Variants in BRCC3 observed in about 807,000 individuals in gnomAD.
BRCC3 encodes lys-63-specific deubiquitinase BRCC36.
Under a neutral mutation model 28.0 loss-of-function variants are expected in BRCC3, and 15 were observed. The observed-to-expected ratio is 0.54, with a 90% confidence interval of 0.36 to 0.82. The LOEUF (loss-of-function observed/expected upper bound fraction) is 0.82, where lower values mean the gene tolerates loss of function less well. BRCC3 is among the 40% of genes least tolerant of loss of function. BRCC3 has a pLI of 0.01. For synonymous variants in BRCC3, 66 were observed against 80.3 expected (o/e 0.82, Z 0.95); for missense variants, 109 against 225.9 (o/e 0.48, Z 3.32).
At chrX:155,104,414 G>A (rs1049362139) in intron 7 of BRCC3, among the ~76,000 whole-genome samples, 1 of 112,084 alleles carries the variant, frequency 8.9e-6, no homozygotes, top group African/African-American at 3.2e-5. Context: ...TTTAATATAA[G>A]GTTCATTTTT....
intron 5 of BRCC3, among the ~76,000 whole-genome samples, chrX:155,080,191 G>T (rs1333007350): frequency 1.8e-5 from 2 of 111,699 alleles, no homozygotes; most frequent in Non-Finnish European, 3.8e-5. Context: ...AGAAAAGTTT[G>T]ACACATATAT....
At chrX:155,073,347 CT>C (rs376767171) in intron 2 of BRCC3, 29 bp from the exon 3 acceptor site, 3,917 of 806,481 alleles carry the variant, frequency 4.9e-3, no homozygotes, top group Admixed American at 0.011. Context: ...ACCCCACTTC[CT>C]TTTTTTTTTT....
chrX:155,120,133 C>G lies in BRCC3; in HGVS notation c.859C>G (p.Leu287Val). 8.3e-7 allele frequency: 1 copy of G among 1,207,337 alleles called. No individual in the cohort carries two copies. Among genetic ancestry groups the G allele is most frequent in the Non-Finnish European group, 1.1e-6 (1 of 893,317 alleles). Residue 287 changes from leucine (L) to valine (V), a missense_variant, in exon 10 of 11, where the codon CTT becomes GTT. By Grantham distance (32) the Leu-to-Val change is conservative. This residue lies in a region of BRCC3 where 50 missense variants were observed against 115.2 expected (regional missense o/e 0.43). Transcript: ENST00000330045. ...QQEKEELMQELSSLE is the reference protein window; with the variant it reads ...QQEKEELMQEVSSLE ...AGAAAAGGAAGAGCTTATGCAAGAACTTTCTTCTCTAGAATAAATCAGGAG... is the reference window on the plus strand; with the variant it reads ...AGAAAAGGAAGAGCTTATGCAAGAAGTTTCTTCTCTAGAATAAATCAGGAG...
Position 155,122,886 on chromosome X carries a change from GA to G in BRCC3, c.*1683del, listed in dbSNP as rs1436669761. On this transcript the variant is annotated 3_prime_UTR_variant, in exon 11 of 11. Transcript: ENST00000330045. ...TATGACTATAAAGGGATGACGCAAG[GA>G]GTTCCTTTGTGCTGATGGAACAGTT... 1.8e-5 allele frequency: 2 copies of G among 111,514 alleles called. No individual in the cohort carries two copies. Among genetic ancestry groups the G allele is most frequent in the African/African-American group, 6.5e-5 (2 of 30,581 alleles). 9.2% of individuals were successfully genotyped at this position (111,514 alleles called of 1,213,427 possible).
chrX:155,082,211 ACT>A (rs2074090018), intron 5 of BRCC3, among the ~76,000 whole-genome samples: 1 of 112,005 alleles, frequency 8.9e-6, no homozygotes, highest in Admixed American at 9.4e-5. Context: ...AACTAAGGAA[ACT>A]CTAATGAGGC....
intron 5 of BRCC3, 147 bp from the exon 6 acceptor site, chrX:155,089,116 A>G (rs1404753108): frequency 2.2e-5 from 10 of 444,530 alleles, no homozygotes; most frequent in Non-Finnish European, 3.6e-5. Flanking sequence ...TGTCCTTAGG[A>G]TATATTCCTG....
At chrX:155,100,145 AT>A (rs199580500) in intron 7 of BRCC3, among the ~76,000 whole-genome samples, 3,376 of 111,001 alleles carry the variant, frequency 0.03, 58 homozygotes, top group Non-Finnish European at 0.049. Context: ...TTCTATTGTC[AT>A]TTTTTTTCTT....
At chrX:155,072,179 C>T (rs1649340977) in intron 1 of BRCC3, 148 bp from the exon 2 acceptor site, 1 of 488,063 alleles carries the variant, frequency 2.0e-6, no homozygotes, top group Middle Eastern at 4.5e-4. Flanking sequence ...TGAGGAAATA[C>T]AGTTTAGCTG....
At chrX:155,074,035 A>G (rs782555145) in intron 3 of BRCC3, among the ~76,000 whole-genome samples, 2 of 111,744 alleles carry the variant, frequency 1.8e-5, no homozygotes, top group African/African-American at 6.5e-5. Flanking sequence ...ATCAGGCCAC[A>G]CCTTCATCTA....
At chrX:155,105,210 C>T (rs912900430) in intron 7 of BRCC3, among the ~76,000 whole-genome samples, 4 of 112,163 alleles carry the variant, frequency 3.6e-5, no homozygotes, top group Admixed American at 2.8e-4. Context: ...TAGGTGGGCA[C>T]AGTGGCTCAT....
At chrX:155,094,585 A>G (rs1445511226) in intron 7 of BRCC3, among the ~76,000 whole-genome samples, 1 of 111,172 alleles carries the variant, frequency 9.0e-6, no homozygotes, top group Non-Finnish European at 1.9e-5. Flanking sequence ...TACTTGAGCA[A>G]TGTATGCATG....
intron 7 of BRCC3, among the ~76,000 whole-genome samples, chrX:155,096,350 C>T (rs1227584158): frequency 8.9e-6 from 1 of 111,867 alleles, no homozygotes; most frequent in African/African-American, 3.3e-5. Context: ...GGTGGTTGTA[C>T]GATATTGTGA....
At chrX:155,088,246 A>T (rs182998701) in intron 5 of BRCC3, among the ~76,000 whole-genome samples, 3 of 112,169 alleles carry the variant, frequency 2.7e-5, no homozygotes, top group Admixed American at 1.9e-4. Context: ...AATGTAAGCC[A>T]TTGGGCAAAA....
chrX:155,073,985 T>C (rs1186490871), intron 3 of BRCC3, among the ~76,000 whole-genome samples: 1 of 111,304 alleles, frequency 9.0e-6, no homozygotes, highest in African/African-American at 3.3e-5. Context: ...TTTTGTAAAA[T>C]ACAAAAAAAA....
intron 6 of BRCC3, among the ~76,000 whole-genome samples, chrX:155,090,226 A>G (rs193057756): frequency 8.9e-6 from 1 of 112,256 alleles, no homozygotes; most frequent in Non-Finnish European, 1.9e-5. Flanking sequence ...TTTGAATTTT[A>G]TGTTCATGTC....
At chrX:155,097,225 G>A (rs1451226642) in intron 7 of BRCC3, among the ~76,000 whole-genome samples, 1 of 111,453 alleles carries the variant, frequency 9.0e-6, no homozygotes, top group African/African-American at 3.3e-5. Context: ...CCTACAGAAG[G>A]GGAGAAAAAT....
chrX:155,078,162 T>A (rs1164524667), intron 4 of BRCC3, among the ~76,000 whole-genome samples: 2 of 112,874 alleles, frequency 1.8e-5, no homozygotes, highest in African/African-American at 6.4e-5. Flanking sequence ...AGTTAAGTAG[T>A]TTCTCTTGGC....
intron 3 of BRCC3, among the ~76,000 whole-genome samples, chrX:155,074,587 C>T (rs1557293140): frequency 8.9e-6 from 1 of 111,954 alleles, no homozygotes; most frequent in Non-Finnish European, 1.9e-5. Context: ...GCACTGAAAT[C>T]TCTGACTAAA....
chrX:155,087,960 C>T (rs376154611), intron 5 of BRCC3, among the ~76,000 whole-genome samples: 3 of 112,039 alleles, frequency 2.7e-5, no homozygotes, highest in Admixed American at 9.4e-5. Context: ...ATGAGAGAAG[C>T]GATGATGTTT....
Sources: gnomAD v4.1 joint callset for allele counts (sites outside exome capture counted in the v4.1 genomes callset) on GRCh38, gnomAD v4.1.1 for gene constraint, gnomAD v4.1.1 regional missense constraint, MANE v1.5 for transcripts, NCBI Gene and HGNC (gene_info 2026-07-23, HGNC 2026-07-21) for gene names.